Variants in GPR158 observed in about 807,000 individuals in gnomAD.
GPR158 encodes the protein G protein-coupled receptor 158, also known as metabotropic glycine receptor.
GPR158 carries 30 observed loss-of-function variants against 78.2 expected under a neutral mutation model. The ratio of observed to expected loss-of-function variants is 0.38; its 90% CI spans 0.29 to 0.52. The LOEUF (loss-of-function observed/expected upper bound fraction) is 0.52, where lower values mean the gene tolerates loss of function less well. GPR158 is among the 20% of genes least tolerant of loss of function. GPR158 has a pLI of 0.83. For missense variants in GPR158, 1,463 were observed against 1,523.5 expected (o/e 0.96, Z 0.66); for synonymous variants, 581 against 591.1 (o/e 0.98, Z 0.25).
chr10:25,456,415 T>C (rs1301862699), intron 4 of GPR158, among the ~76,000 whole-genome samples: 1 of 152,210 alleles, frequency 6.6e-6, no homozygotes. Context: ...CCAAGCATAC[T>C]ACAGAGGATA....
At chr10:25,201,328 A>C (rs923725114) in intron 1 of GPR158, among the ~76,000 whole-genome samples, 6 of 151,936 alleles carry the variant, frequency 3.9e-5, no homozygotes, top group African/African-American at 1.4e-4. Context: ...GTATAGGAAT[A>C]TTAGGTTTTT....
intron 2 of GPR158, among the ~76,000 whole-genome samples, chr10:25,308,300 C>CCA (rs1244906244): frequency 6.6e-6 from 1 of 152,080 alleles, no homozygotes; most frequent in Non-Finnish European, 1.5e-5. Flanking sequence ...GCTCTCCCGA[C>CCA]TCAAACCTAC....
intron 5 of GPR158, among the ~76,000 whole-genome samples, chr10:25,469,164 T>G (rs1261857998): frequency 6.6e-6 from 1 of 152,224 alleles, no homozygotes; most frequent in African/African-American, 2.4e-5. Flanking sequence ...TTCTTGTAGC[T>G]TTTCTTAATG....
intron 2 of GPR158, among the ~76,000 whole-genome samples, chr10:25,273,714 C>G (rs1854147436): frequency 1.3e-5 from 2 of 152,046 alleles, no homozygotes; most frequent in Admixed American, 1.3e-4. Flanking sequence ...GGTTTTCCCT[C>G]TGTTGCCCAG....
chr10:25,227,308 A>G (rs1853387667), intron 2 of GPR158, among the ~76,000 whole-genome samples: 2 of 152,170 alleles, frequency 1.3e-5, no homozygotes, highest in Admixed American at 6.5e-5. Flanking sequence ...AGAGAGAGAA[A>G]ATCTGTAGTA....
chr10:25,436,337 T>C (rs1158869113), intron 4 of GPR158, among the ~76,000 whole-genome samples: 1 of 152,154 alleles, frequency 6.6e-6, no homozygotes, highest in East Asian at 1.9e-4. Flanking sequence ...AGTGGGCAGG[T>C]AGATATTTGA....
At chr10:25,565,844 A>G (rs1836922603) in intron 6 of GPR158, among the ~76,000 whole-genome samples, 1 of 152,080 alleles carries the variant, frequency 6.6e-6, no homozygotes, top group African/African-American at 2.4e-5. Context: ...GGCAAGAAAA[A>G]GCTGTAGGCT....
intron 2 of GPR158, among the ~76,000 whole-genome samples, chr10:25,374,289 A>G (rs537958467): frequency 6.6e-6 from 1 of 151,632 alleles, no homozygotes; most frequent in African/African-American, 2.4e-5. Flanking sequence ...GGAAAGTTGC[A>G]GAAGATATAG....
chr10:25,427,884 C>A (rs1053483117), intron 4 of GPR158, among the ~76,000 whole-genome samples: 2 of 151,996 alleles, frequency 1.3e-5, no homozygotes, highest in African/African-American at 4.8e-5. Flanking sequence ...CAGTGTAGGG[C>A]TGATTAGGTA....
At chr10:25,431,965 C>T (rs1834914938) in intron 4 of GPR158, among the ~76,000 whole-genome samples, 1 of 150,312 alleles carries the variant, frequency 6.7e-6, no homozygotes, top group African/African-American at 2.5e-5. Context: ...AACTAACCTG[C>T]ACATTGTGCA....
At chr10:25,443,863 C>T (rs950400780) in intron 4 of GPR158, among the ~76,000 whole-genome samples, 4 of 152,072 alleles carry the variant, frequency 2.6e-5, no homozygotes, top group African/African-American at 9.7e-5. Context: ...ACCTCAACTC[C>T]TCCATCGCTC....
intron 4 of GPR158, among the ~76,000 whole-genome samples, chr10:25,426,828 A>G (rs1233799686): frequency 6.6e-6 from 1 of 152,080 alleles, no homozygotes; most frequent in Non-Finnish European, 1.5e-5. Flanking sequence ...GCTTGATGCA[A>G]GGTTTTCACA....
chr10:25,301,320 A>G (rs1032621168), intron 2 of GPR158, among the ~76,000 whole-genome samples: 1 of 152,196 alleles, frequency 6.6e-6, no homozygotes, highest in African/African-American at 2.4e-5. Flanking sequence ...TCTAGCATTA[A>G]TAGTCCCAAA....
At chr10:25,567,791 C>T (rs954021431) in intron 6 of GPR158, among the ~76,000 whole-genome samples, 2 of 152,000 alleles carry the variant, frequency 1.3e-5, no homozygotes, top group Non-Finnish European at 2.9e-5. Flanking sequence ...GGAAGCAATA[C>T]GATCAGATGC....
chr10:25,277,470 AAGAGAGAGAGAGAG>A (rs370403743), intron 2 of GPR158, among the ~76,000 whole-genome samples: 40 of 149,292 alleles, frequency 2.7e-4, no homozygotes, highest in Admixed American at 1.7e-3. Context: ...AAAAAAGCAA[AAGAGAGAGAGAGAG>A]AGAGAGAGAC....
rs146906626 is a variant in GPR158, at chr10:25,364,082, A to C, written c.1009-31829A>C. 5.3e-3 allele frequency among the ~76,000 whole-genome samples: 803 copies of C among 152,070 alleles called. 3 individuals are homozygous for C. Among genetic ancestry groups the C allele is most frequent in the Middle Eastern group, 0.01 (3 of 294 alleles). ...TATGTAGTTGTATAATGAAATAATC[A>C]GTTCTATGGAATAAGAAGTATTATT... On this transcript the variant is annotated intron_variant, in intron 2 of 10. Coordinates refer to ENST00000376351, the MANE Select transcript of GPR158 (RefSeq NM_020752.3).
At chr10:25,307,377 C>CTT (rs561085223) in intron 2 of GPR158, among the ~76,000 whole-genome samples, 32 of 114,378 alleles carry the variant, frequency 2.8e-4, no homozygotes, top group South Asian at 1.5e-3. Flanking sequence ...ATTTTAATTG[C>CTT]TTTTTTTTTT....
chr10:25,520,425 G>A (rs1393095628), intron 5 of GPR158, among the ~76,000 whole-genome samples: 46 of 150,022 alleles, frequency 3.1e-4, no homozygotes, highest in African/African-American at 1.1e-3. Context: ...GAGGAACTGC[G>A]TTCCTTTGGA....
At chr10:25,525,465 A>C (rs74765633) in intron 5 of GPR158, among the ~76,000 whole-genome samples, 6,288 of 152,310 alleles carry the variant, frequency 0.041, 263 homozygotes, top group African/African-American at 0.11. Context: ...AAGTAGTGAT[A>C]CATGCTACAG....
Sources: gnomAD v4.1 joint callset for allele counts (sites outside exome capture counted in the v4.1 genomes callset) on GRCh38, gnomAD v4.1.1 for gene constraint, MANE v1.5 for transcripts, NCBI Gene and HGNC (gene_info 2026-07-23, HGNC 2026-07-21) for gene names.